The following NEXN variants were observed in gnomAD, a reference collection of about 807,000 sequenced individuals.
The protein encoded by NEXN is nexilin.
Under a neutral mutation model 92.6 loss-of-function variants are expected in NEXN, and 65 were observed. The ratio of observed to expected loss-of-function variants is 0.70; its 90% CI spans 0.57 to 0.86. The LOEUF (loss-of-function observed/expected upper bound fraction) is 0.86, where lower values mean the gene tolerates loss of function less well. Among genes scored for constraint, NEXN ranks in the 40% least tolerant of loss-of-function variants. The pLI is 0.00. For missense variants in NEXN, 778 were observed against 771.1 expected (o/e 1.01, Z -0.11); for synonymous variants, 254 against 242.5 (o/e 1.05, Z -0.44).
chr1:77,930,612 T>C (rs185325470), intron 9 of NEXN, among the ~76,000 whole-genome samples: 11 of 152,372 alleles, frequency 7.2e-5, no homozygotes, highest in African/African-American at 2.6e-4. Flanking sequence ...GTCTTGCTCT[T>C]GTATATTGCT....
At position 77,929,553 on chromosome 1, in the gene NEXN, A is replaced by G. The variant is rs1650129460; in HGVS notation, c.1053+49A>G. The G allele has an allele frequency of 1.9e-6, 3 of 1,606,476 alleles. No individual in the cohort carries two copies. The African/African-American group carries it at 4.0e-5, about 21-fold the overall frequency. ...ATGCTATTAGAATTCACCTTTGAGA[A>G]TATGTTAATAGAATCATTAGACTTT... On this transcript the variant is annotated intron_variant, in intron 9 of 12. Coordinates refer to ENST00000334785, the MANE Select transcript of NEXN (RefSeq NM_144573.4).
chr1:77,933,575 T>C, intron 10 of NEXN, 96 bp downstream of exon 10: 1 of 960,288 alleles, frequency 1.0e-6, no homozygotes, highest in Non-Finnish European at 1.6e-6. Context: ...TATTCACCTT[T>C]AGGATAGTTG....
At chr1:77,921,220 G>A (rs1649392883) in intron 5 of NEXN, among the ~76,000 whole-genome samples, 1 of 152,050 alleles carries the variant, frequency 6.6e-6, no homozygotes, top group African/African-American at 2.4e-5. Context: ...AGGTGGTGGT[G>A]GGTGCCTATA....
intron 3 of NEXN, 57 bp downstream of exon 3, chr1:77,917,814 A>G: frequency 2.0e-6 from 3 of 1,488,194 alleles, no homozygotes; most frequent in Non-Finnish European, 2.8e-6. Flanking sequence ...TTTCATTTAA[A>G]TTGTATTTAT....
At chr1:77,921,322 A>C (rs2102105083) in intron 5 of NEXN, among the ~76,000 whole-genome samples, 1 of 152,284 alleles carries the variant, frequency 6.6e-6, no homozygotes, top group Non-Finnish European at 1.5e-5. Context: ...CAAACGAACA[A>C]ACAAAAAACC....
At chr1:77,896,170 C>CAATGAATAAATAAATA (rs1647241526) in intron 1 of NEXN, among the ~76,000 whole-genome samples, 1 of 144,248 alleles carries the variant, frequency 6.9e-6, no homozygotes, top group African/African-American at 2.6e-5. Context: ...GACTTTGTCT[C>CAATGAATAAATAAATA]AATAAATAAA....
intron 1 of NEXN, among the ~76,000 whole-genome samples, chr1:77,914,880 C>G (rs1193403148): frequency 6.6e-6 from 1 of 151,588 alleles, no homozygotes; most frequent in Non-Finnish European, 1.5e-5. Context: ...AAAGAAAACC[C>G]AGATTTTATC....
chr1:77,899,518 G>A (rs1035581895), intron 1 of NEXN, among the ~76,000 whole-genome samples: 2 of 152,162 alleles, frequency 1.3e-5, no homozygotes, highest in South Asian at 4.1e-4. Context: ...CGGGATGCGG[G>A]GAGAGGGGAG....
At chr1:77,922,033 T>TGGG (rs1649463009) in intron 5 of NEXN, among the ~76,000 whole-genome samples, 2 of 149,354 alleles carry the variant, frequency 1.3e-5, no homozygotes, top group African/African-American at 4.9e-5. Flanking sequence ...CTCCCAAAGT[T>TGGG]GGGGGAATAC....
At position 77,942,059 on chromosome 1, in the gene NEXN, G is replaced by A. The variant is rs773724720; in HGVS notation, c.1510G>A (p.Glu504Lys). The A allele has an allele frequency of 3.7e-6, 6 of 1,613,524 alleles. No individual in the cohort carries two copies. Among genetic ancestry groups the A allele is most frequent in the Non-Finnish European group, 4.2e-6 (5 of 1,179,604 alleles). The change falls in exon 12 of 13, where the codon GAG becomes AAG. Residue 504 changes from glutamate to lysine, a missense_variant. Glu to Lys is a moderately conservative substitution (Grantham distance 56). Coordinates refer to ENST00000334785, the MANE Select transcript of NEXN (RefSeq NM_144573.4). ...TGATGTTAGGCCTGCAAGAAAAAGC[G>A]AGGCTCCATTTACTCACAAAGTGAA... ...DVDVRPARKSEAPFTHKVNMK... is the reference protein window; with the variant it reads ...DVDVRPARKSKAPFTHKVNMK...
chr1:77,900,052 A>G (rs1647573699), intron 1 of NEXN, among the ~76,000 whole-genome samples: 1 of 152,152 alleles, frequency 6.6e-6, no homozygotes, highest in South Asian at 2.1e-4. Context: ...TGCCTATAGT[A>G]TTATTAGGTA....
intron 1 of NEXN, among the ~76,000 whole-genome samples, chr1:77,906,027 A>G (rs1648086668): frequency 6.6e-6 from 1 of 152,134 alleles, no homozygotes; most frequent in South Asian, 2.1e-4. Context: ...ATGAGAAGAA[A>G]AGGGCAAAGA....
At chr1:77,918,672 A>C (rs1468287839) in intron 5 of NEXN, among the ~76,000 whole-genome samples, 2 of 151,588 alleles carry the variant, frequency 1.3e-5, no homozygotes, top group Non-Finnish European at 2.9e-5. Flanking sequence ...CTCAAAGAAA[A>C]AAAAAAAAAA....
chr1:77,903,990 A>AGTT (rs1647914556), intron 1 of NEXN, among the ~76,000 whole-genome samples: 1 of 151,274 alleles, frequency 6.6e-6, no homozygotes, highest in African/African-American at 2.5e-5. Context: ...TGAAATTTTT[A>AGTT]GTTTTTATTT....
At chr1:77,893,319 C>T (rs1647150031) in intron 1 of NEXN, among the ~76,000 whole-genome samples, 1 of 152,100 alleles carries the variant, frequency 6.6e-6, no homozygotes, top group African/African-American at 2.4e-5. Flanking sequence ...TCTTCCTATT[C>T]CCAGCTGTGT....
intron 1 of NEXN, among the ~76,000 whole-genome samples, chr1:77,890,097 G>A (rs1260738646): frequency 2.0e-5 from 3 of 151,878 alleles, no homozygotes; most frequent in African/African-American, 7.2e-5. Flanking sequence ...TGAGAGAAAG[G>A]TTTTTTGGGG....
intron 1 of NEXN, among the ~76,000 whole-genome samples, chr1:77,898,696 A>G (rs1038766896): frequency 6.6e-6 from 1 of 152,246 alleles, no homozygotes; most frequent in Non-Finnish European, 1.5e-5. Flanking sequence ...CTGCACAGAA[A>G]AAGAAACTAC....
intron 9 of NEXN, chr1:77,931,862 C>T (rs1650339552): frequency 6.6e-6 from 1 of 152,136 alleles, no homozygotes; most frequent in African/African-American, 2.4e-5. Flanking sequence ...CTCTCATTCC[C>T]CTGTGTGTAT....
chr1:77,939,297 G>A (rs982711949), intron 11 of NEXN, among the ~76,000 whole-genome samples: 2 of 152,158 alleles, frequency 1.3e-5, no homozygotes, highest in Non-Finnish European at 2.9e-5. Context: ...ATTTGGATAA[G>A]GTAAAGGCAG....
Sources: gnomAD v4.1 joint callset for allele counts (sites outside exome capture counted in the v4.1 genomes callset) on GRCh38, gnomAD v4.1.1 for gene constraint, MANE v1.5 for transcripts, NCBI Gene and HGNC (gene_info 2026-07-23, HGNC 2026-07-21) for gene names.